SGPP2: variants seen among roughly 807,000 people sequenced by gnomAD.
The protein encoded by SGPP2 is sphingosine-1-phosphate phosphatase 2, also known as sphingosine 1-phosphate phosphohydrolase 2.
A neutral mutation model predicts 33.9 loss-of-function variants in SGPP2; 30 were observed. The ratio of observed to expected loss-of-function variants is 0.89; its 90% CI spans 0.66 to 1.20. The LOEUF is 1.20. Among genes scored for constraint, SGPP2 ranks in the 50% most tolerant of loss-of-function variants. The pLI is 0.00. For synonymous variants in SGPP2, 233 were observed against 225.0 expected (o/e 1.04, Z -0.32); for missense variants, 458 against 532.1 (o/e 0.86, Z 1.37).
intron 4 of SGPP2, among the ~76,000 whole-genome samples, chr2:222,554,984 C>T (rs368924708): frequency 1.3e-5 from 2 of 152,158 alleles, no homozygotes; most frequent in Non-Finnish European, 2.9e-5. Flanking sequence ...TCAAGCCTCC[C>T]TCCTCCCATC....
chr2:222,509,704 GA>G (rs1450153022), intron 2 of SGPP2, among the ~76,000 whole-genome samples: 1 of 152,028 alleles, frequency 6.6e-6, no homozygotes, highest in Non-Finnish European at 1.5e-5. Context: ...AGAACACATA[GA>G]AAAGGTACAC....
chr2:222,546,848 A>G (rs1689210750), intron 4 of SGPP2, among the ~76,000 whole-genome samples: 2 of 140,506 alleles, frequency 1.4e-5, no homozygotes. Flanking sequence ...AAAAAAGAAC[A>G]TGCCAGAAGC....
intron 2 of SGPP2, among the ~76,000 whole-genome samples, chr2:222,512,542 G>A (rs1429093082): frequency 6.6e-6 from 1 of 152,034 alleles, no homozygotes; most frequent in Non-Finnish European, 1.5e-5. Context: ...TATGTTTATG[G>A]GTTTTGACAA....
rs550700597 is a variant in SGPP2 at position 222,540,964 on chromosome 2, T to G, written c.648+15931T>G. Among the ~76,000 whole-genome samples, 84 of 151,900 alleles carry G rather than the reference T, an allele frequency of 5.5e-4. No individual in the cohort carries two copies. In the South Asian group the frequency reaches 7.5e-3, roughly 14 times the overall value. On this transcript the variant is annotated intron_variant, in intron 4 of 4. Transcript: ENST00000321276. ...TCCCAAGTAGCTGGGACTACAGGCA[T>G]CCACCACCATGCCCGGCTAATTTTT...
At chr2:222,521,995 A>T in intron 3 of SGPP2, 49 bp downstream of exon 3, 1 of 1,450,448 alleles carries the variant, frequency 6.9e-7, no homozygotes, top group Non-Finnish European at 9.1e-7. Flanking sequence ...GGCAGCAAAT[A>T]GAGGCTGCAC....
chr2:222,513,974 T>C (rs975942110), intron 2 of SGPP2, among the ~76,000 whole-genome samples: 2 of 152,236 alleles, frequency 1.3e-5, no homozygotes, highest in Admixed American at 6.5e-5. Context: ...CAATGTGTGA[T>C]CTTTTGTGTC....
intron 1 of SGPP2, 28 bp from the exon 2 acceptor site, chr2:222,474,540 A>G (rs752342076): frequency 6.2e-7 from 1 of 1,607,630 alleles, no homozygotes; most frequent in South Asian, 1.1e-5. Flanking sequence ...GCATGAACTC[A>G]CAGAGTCTTC....
intron 2 of SGPP2, among the ~76,000 whole-genome samples, chr2:222,488,089 G>A (rs1411491320): frequency 6.6e-6 from 1 of 152,134 alleles, no homozygotes; most frequent in African/African-American, 2.4e-5. Context: ...ATTGCTATCA[G>A]GTGCGTTTAC....
chr2:222,477,530 T>A lies in SGPP2; in HGVS notation c.378+2804T>A, dbSNP rs1177538787. 6.6e-6 allele frequency among the ~76,000 whole-genome samples: 1 copy of A among 152,008 alleles called. No homozygotes were observed. Among genetic ancestry groups the A allele is most frequent in the Non-Finnish European group, 1.5e-5 (1 of 67,964 alleles). On this transcript the variant is annotated intron_variant, in intron 2 of 4. Transcript: ENST00000321276. The surrounding 1 kb of genome is among the most constrained non-coding windows in gnomAD (Gnocchi z 6.0). ...GTGTATATATATGTCTGTGTATATA[T>A]GTGTATTTGTGTTTATAGGTGTGTA... is the stretch of plus-strand genomic sequence containing the variant.
intron 1 of SGPP2, among the ~76,000 whole-genome samples, chr2:222,470,221 A>T (rs1697817287): frequency 6.6e-6 from 1 of 152,194 alleles, no homozygotes; most frequent in Non-Finnish European, 1.5e-5. Context: ...ACCATGGCAC[A>T]CGCATACCTG....
At position 222,466,535 on chromosome 2, in the gene SGPP2, G is replaced by C. The variant is rs145710099; in HGVS notation, c.220-8033G>C. Among the ~76,000 whole-genome samples, 262 of 152,300 alleles carry C rather than the reference G, an allele frequency of 1.7e-3. 4 individuals are homozygous for C. In the East Asian group the frequency reaches 0.036, roughly 21 times the overall value. On this transcript the variant is annotated intron_variant, in intron 1 of 4. Coordinates refer to ENST00000321276, the MANE Select transcript of SGPP2 (RefSeq NM_152386.4). Reference sequence around the variant, plus strand: ...GGCCTCCCAAAGTGCTGGGATTACAGGCGTGAGCCACTGTGCCCAGCCTTA... The same window carrying C: ...GGCCTCCCAAAGTGCTGGGATTACACGCGTGAGCCACTGTGCCCAGCCTTA...
chr2:222,424,293 A>C (rs930479269), upstream of SGPP2, among the ~76,000 whole-genome samples: 14 of 151,694 alleles, frequency 9.2e-5, no homozygotes, highest in African/African-American at 3.4e-4. Flanking sequence ...GGGCGCCGGG[A>C]GAAGAGAGGC....
In SGPP2 at chr2:222,442,513, G is replaced by GT. The variant is rs1277271997; in HGVS notation, c.219+17693dup. ...TTGATTTTGTTGGGTGATGTTTTTC[G>GT]TAAGTACAGAAAAACATCGAACAAT... On this transcript the variant is annotated intron_variant, in intron 1 of 4. Coordinates refer to ENST00000321276, the MANE Select transcript of SGPP2 (RefSeq NM_152386.4). Among the ~76,000 whole-genome samples the GT allele has an allele frequency of 8.6e-5, 13 of 152,024 alleles. 1 individual carries two copies. The highest frequency in any genetic ancestry group is 6.8e-3 in the Middle Eastern group (2 of 294).
chr2:222,433,191 A>C (rs1697184113), intron 1 of SGPP2, among the ~76,000 whole-genome samples: 1 of 152,196 alleles, frequency 6.6e-6, no homozygotes, highest in Non-Finnish European at 1.5e-5. Flanking sequence ...GGCAGATTCC[A>C]CTGAGCATGA....
chr2:222,508,292 C>T (rs761661941), intron 2 of SGPP2, among the ~76,000 whole-genome samples: 2 of 152,060 alleles, frequency 1.3e-5, no homozygotes, highest in South Asian at 2.1e-4. Context: ...CACTTAGATT[C>T]GGTAGTGAGT....
Position 222,463,659 on chromosome 2 carries a change from T to C in SGPP2, c.220-10909T>C, listed in dbSNP as rs1396620193. On this transcript the variant is annotated intron_variant, in intron 1 of 4. Transcript: ENST00000321276. ...CTGAAAGAAAATTCCAAGCTAAAAA[T>C]TGTGTGGCCATTTAGCCCAAATAAA... Among the ~76,000 whole-genome samples the C allele has an allele frequency of 3.3e-5, 5 of 152,116 alleles. 1 individual carries two copies. Among genetic ancestry groups the C allele is most frequent in the Admixed American group, 3.3e-4 (5 of 15,274 alleles).
chr2:222,535,079 G>T (rs1415356331), intron 4 of SGPP2, among the ~76,000 whole-genome samples: 1 of 152,058 alleles, frequency 6.6e-6, no homozygotes, highest in Admixed American at 6.5e-5. Flanking sequence ...CACAGTGGGG[G>T]CGCAGTGGCT....
chr2:222,541,020 T>C (rs1254327036), intron 4 of SGPP2, among the ~76,000 whole-genome samples: 2 of 152,098 alleles, frequency 1.3e-5, no homozygotes, highest in East Asian at 3.9e-4. Flanking sequence ...TGTTTCACTA[T>C]GTTGGCCAGG....
chr2:222,542,149 A>C (rs748703367), intron 4 of SGPP2, among the ~76,000 whole-genome samples: 45 of 152,200 alleles, frequency 3.0e-4, no homozygotes, highest in Admixed American at 6.5e-5. Flanking sequence ...GTTGGATTTC[A>C]TATAAATGTA....
Sources: allele counts gnomAD v4.1 joint callset (sites outside exome capture counted in the v4.1 genomes callset), GRCh38; gene constraint gnomAD v4.1.1; non-coding constraint Gnocchi (gnomAD v3.1); transcripts MANE v1.5; gene names NCBI Gene and HGNC (gene_info 2026-07-23, HGNC 2026-07-21).